The following SLC10A6 variants were observed in gnomAD, a reference collection of about 807,000 sequenced individuals.
The protein encoded by SLC10A6 is solute carrier family 10 member 6.
A neutral mutation model predicts 30.0 loss-of-function variants in SLC10A6; 27 were observed. The observed-to-expected ratio is 0.90, with a 90% CI of 0.66 to 1.24. The LOEUF is 1.24. Ranked by LOEUF, SLC10A6 falls within the 50% of genes most tolerant of loss-of-function variation. SLC10A6 has a pLI of 0.00. For missense variants in SLC10A6, 439 were observed against 457.0 expected, an observed-to-expected ratio of 0.96 and a Z score of 0.36; for synonymous variants, 166 against 173.8, an observed-to-expected ratio of 0.95 and a Z score of 0.36.
rs1449304424 is a variant in SLC10A6, at chr4:86,823,685, C to A, written c.*3G>T. 1 of 1,596,326 alleles carries A rather than the reference C, an allele frequency of 6.3e-7. No homozygotes were observed. Among genetic ancestry groups the A allele is most frequent in the Non-Finnish European group, 8.5e-7 (1 of 1,171,526 alleles). On this transcript the variant is annotated 3_prime_UTR_variant, in exon 6 of 6. Coordinates refer to ENST00000273905, the MANE Select transcript of SLC10A6 (RefSeq NM_197965.3). ...GGGGGCCAGTCCAGCCAGCTAGTCC[C>A]TGCTATTCACATGAAGTGATGTGGC...
At chr4:86,825,677 G>T in intron 4 of SLC10A6, 100 bp from the exon 5 acceptor site, 2 of 1,249,688 alleles carry the variant, frequency 1.6e-6, no homozygotes, top group Non-Finnish European at 1.1e-6. Context: ...ATGACCTCAG[G>T]CCACTGAAAA....
At chr4:86,832,574 G>C (rs1056719407) in intron 2 of SLC10A6, among the ~76,000 whole-genome samples, 1 of 147,078 alleles carries the variant, frequency 6.8e-6, no homozygotes, top group Admixed American at 6.8e-5. Flanking sequence ...CTGAGTGACA[G>C]AGCAAAACTC....
chr4:86,828,207 G>GT, intron 3 of SLC10A6, 39 bp from the exon 4 acceptor site: 1 of 1,589,138 alleles, frequency 6.3e-7, no homozygotes, highest in Non-Finnish European at 8.5e-7. Flanking sequence ...TAAACTCAGG[G>GT]TTTTTTGCTC....
chr4:86,826,516 G>A (rs867045440), intron 4 of SLC10A6, among the ~76,000 whole-genome samples: 99 of 150,628 alleles, frequency 6.6e-4, no homozygotes, highest in African/African-American at 2.1e-3. Flanking sequence ...AGGAGGCAGA[G>A]GTTGCACTCC....
chr4:86,842,881 T>TTTTCTTTC (rs1746329309), intron 1 of SLC10A6, among the ~76,000 whole-genome samples: 1 of 126,608 alleles, frequency 7.9e-6, no homozygotes, highest in Non-Finnish European at 1.6e-5. Context: ...TTTCTTTTTT[T>TTTTCTTTC]TTTTGAGATG....
chr4:86,843,954 G>A (rs57477100), intron 1 of SLC10A6, among the ~76,000 whole-genome samples: 13,600 of 152,052 alleles, frequency 0.089, 1,704 homozygotes, highest in African/African-American at 0.28. Flanking sequence ...TGAGGTGGGC[G>A]GATCATGAGG....
intron 1 of SLC10A6, among the ~76,000 whole-genome samples, chr4:86,841,408 G>T (rs1345629191): frequency 1.3e-5 from 2 of 152,202 alleles, no homozygotes; most frequent in African/African-American, 4.8e-5. Context: ...ACAGTGGAAA[G>T]TCACGCCTTG....
chr4:86,831,714 G>T, intron 3 of SLC10A6, 78 bp downstream of exon 3: 1 of 1,196,752 alleles, frequency 8.4e-7, no homozygotes, highest in Non-Finnish European at 1.2e-6. Flanking sequence ...AAGCTCACTT[G>T]TCCCAGCCAC....
chr4:86,839,879 T>C (rs370813871), intron 1 of SLC10A6, among the ~76,000 whole-genome samples: 54 of 152,072 alleles, frequency 3.6e-4, no homozygotes, highest in African/African-American at 1.3e-3. Flanking sequence ...ATTGAAAAAT[T>C]GATCTCACTC....
At chr4:86,836,820 C>CA (rs1391223030) in intron 1 of SLC10A6, among the ~76,000 whole-genome samples, 1 of 152,050 alleles carries the variant, frequency 6.6e-6, no homozygotes, top group Non-Finnish European at 1.5e-5. Context: ...TGCAGTGGCG[C>CA]AATCTCGGCT....
chr4:86,835,632 A>C lies in SLC10A6; in HGVS notation c.378-2208T>G, dbSNP rs530565707. Among the ~76,000 whole-genome samples, 18 of 152,002 alleles carry C rather than the reference A, an allele frequency of 1.2e-4. No homozygotes were observed. In the South Asian group the frequency reaches 3.8e-3, roughly 32 times the overall value. ...CAGTGAGCCACGATCATGCCACTGC[A>C]CTCCAGCCTGGGCAACAAAGTGAAA... On this transcript the variant is annotated intron_variant, in intron 1 of 5. Coordinates refer to ENST00000273905, the MANE Select transcript of SLC10A6 (RefSeq NM_197965.3).
chr4:86,824,466 A>G (rs1745942310), intron 5 of SLC10A6, among the ~76,000 whole-genome samples: 1 of 152,176 alleles, frequency 6.6e-6, no homozygotes, highest in South Asian at 2.1e-4. Context: ...ATCAGTATAT[A>G]ATCAGTTCTA....
chr4:86,835,483 A>T (rs1746164288), intron 1 of SLC10A6, among the ~76,000 whole-genome samples: 1 of 152,170 alleles, frequency 6.6e-6, no homozygotes, highest in South Asian at 2.1e-4. Context: ...CCTGGCCAAC[A>T]TGGTGAAACC....
chr4:86,846,020 CTCG>C (rs1294377232), intron 1 of SLC10A6, among the ~76,000 whole-genome samples: 2 of 152,204 alleles, frequency 1.3e-5, no homozygotes, highest in African/African-American at 4.8e-5. Flanking sequence ...TCTCCACTTC[CTCG>C]TGTGTCAAAT....
At chr4:86,845,392 C>G (rs557605020) in intron 1 of SLC10A6, among the ~76,000 whole-genome samples, 17 of 152,278 alleles carry the variant, frequency 1.1e-4, no homozygotes. Flanking sequence ...ATAAAAGAAC[C>G]TGGAGAAGTA....
intron 3 of SLC10A6, among the ~76,000 whole-genome samples, chr4:86,829,651 G>A (rs1746048347): frequency 6.6e-6 from 1 of 151,714 alleles, no homozygotes; most frequent in Admixed American, 6.6e-5. Flanking sequence ...GAACACTTAA[G>A]TTTGTTCAGA....
At chr4:86,847,277 A>G (rs1578762059) in intron 1 of SLC10A6, among the ~76,000 whole-genome samples, 1 of 152,234 alleles carries the variant, frequency 6.6e-6, no homozygotes, top group Non-Finnish European at 1.5e-5. Context: ...GAAAATAAGC[A>G]TGAAAGCATC....
intron 3 of SLC10A6, among the ~76,000 whole-genome samples, chr4:86,830,708 G>A (rs188957303): frequency 2.0e-5 from 3 of 152,254 alleles, no homozygotes; most frequent in African/African-American, 7.2e-5. Flanking sequence ...GTGAGGTAGA[G>A]CCAAACGGCA....
At chr4:86,845,587 T>TA (rs1746379550) in intron 1 of SLC10A6, among the ~76,000 whole-genome samples, 1 of 152,208 alleles carries the variant, frequency 6.6e-6, no homozygotes, top group African/African-American at 2.4e-5. Context: ...CTTATCCACT[T>TA]ACTGCAAAGC....
Sources: allele counts gnomAD v4.1 joint callset (sites outside exome capture counted in the v4.1 genomes callset), GRCh38; gene constraint gnomAD v4.1.1; transcripts MANE v1.5; gene names NCBI Gene and HGNC (gene_info 2026-07-23, HGNC 2026-07-21).